The following SLC36A4 variants were observed in gnomAD, a reference collection of about 807,000 sequenced individuals.
SLC36A4 encodes the protein neutral amino acid uniporter 4.
A neutral mutation model predicts 50.5 loss-of-function variants in SLC36A4; 49 were observed. That is an observed-to-expected ratio of 0.97 (90% CI 0.77 to 1.23). SLC36A4 has a LOEUF of 1.23. Ranked by LOEUF, SLC36A4 falls within the 50% of genes most tolerant of loss-of-function variation. The pLI, the probability that SLC36A4 is intolerant of heterozygous loss-of-function variation, is 0.00. For synonymous variants in SLC36A4, 207 were observed against 206.5 expected (o/e 1.00, Z -0.02); for missense variants, 611 against 608.4 (o/e 1.00, Z -0.05).
intron 9 of SLC36A4, among the ~76,000 whole-genome samples, chr11:93,156,907 T>C (rs1184761959): frequency 6.6e-6 from 1 of 152,180 alleles, no homozygotes; most frequent in Non-Finnish European, 1.5e-5. Context: ...TTTTGGAGTC[T>C]TCATCATAAA....
chr11:93,196,105 T>C (rs752658430), intron 1 of SLC36A4, among the ~76,000 whole-genome samples: 3 of 152,216 alleles, frequency 2.0e-5, no homozygotes, highest in African/African-American at 4.8e-5. Context: ...GTTGAATTAA[T>C]GAAAATATAA....
chr11:93,173,026 C>T (rs1191487876), intron 6 of SLC36A4, among the ~76,000 whole-genome samples: 1 of 142,896 alleles, frequency 7.0e-6, no homozygotes, highest in Admixed American at 7.1e-5. Flanking sequence ...GCCACACTGA[C>T]TTCCACAATG....
intron 9 of SLC36A4, 89 bp from the exon 10 acceptor site, chr11:93,154,366 C>A (rs1446997795): frequency 3.3e-6 from 2 of 607,512 alleles, no homozygotes; most frequent in Non-Finnish European, 4.9e-6. Flanking sequence ...AATAAGAAAT[C>A]CAGAATACCA....
chr11:93,163,715 C>A (rs1205137325), intron 8 of SLC36A4, among the ~76,000 whole-genome samples: 1 of 152,088 alleles, frequency 6.6e-6, no homozygotes, highest in Non-Finnish European at 1.5e-5. Flanking sequence ...AGCTCCTTCT[C>A]TGGGGAGTAG....
intron 1 of SLC36A4, among the ~76,000 whole-genome samples, chr11:93,187,512 T>C (rs1487419792): frequency 6.6e-6 from 1 of 152,256 alleles, no homozygotes; most frequent in Non-Finnish European, 1.5e-5. Context: ...TCTCTGACCC[T>C]TCTGATGTCT....
chr11:93,197,441 A>G (rs2134722974), intron 1 of SLC36A4: 1 of 433,768 alleles, frequency 2.3e-6, no homozygotes, highest in African/African-American at 2.1e-5. Flanking sequence ...TCCTTAAAGC[A>G]TCATTGGGAA....
chr11:93,196,621 A>T (rs1004749586), intron 1 of SLC36A4, among the ~76,000 whole-genome samples: 10 of 152,188 alleles, frequency 6.6e-5, no homozygotes, highest in Non-Finnish European at 1.5e-4. Flanking sequence ...CGGCCGCCTC[A>T]GCCTCCCAAA....
chr11:93,171,915 G>A (rs1861157523), intron 6 of SLC36A4: 1 of 151,972 alleles, frequency 6.6e-6, no homozygotes, highest in Non-Finnish European at 1.5e-5. Context: ...ATATAAACAG[G>A]ACTCTAATTA....
chr11:93,194,546 A>G (rs1052369631), intron 1 of SLC36A4, among the ~76,000 whole-genome samples: 6 of 152,194 alleles, frequency 3.9e-5, no homozygotes, highest in African/African-American at 1.2e-4. Flanking sequence ...CATCTCTACC[A>G]GTGCTTTTTA....
chr11:93,176,112 C>T (rs1432109418), intron 6 of SLC36A4, among the ~76,000 whole-genome samples: 3 of 147,828 alleles, frequency 2.0e-5, no homozygotes, highest in Admixed American at 6.8e-5. Context: ...TCAGGACTTG[C>T]TTTATGAATC....
intron 9 of SLC36A4, chr11:93,159,685 A>G (rs912760914): frequency 5.7e-5 from 23 of 403,924 alleles, no homozygotes; most frequent in East Asian, 1.6e-4. Context: ...TTTAAAATAC[A>G]TTCTTTACTT....
At position 93,146,422 on chromosome 11, in the gene SLC36A4, AACT is replaced by A. The variant is rs1415561670; in HGVS notation, c.*2112_*2114del. ...TTTCAGTGAAGATTCGTTTTCCTATAACTTCTTCTGCATTCTCTTAGTATGACT... is the reference window on the plus strand; with the variant it reads ...TTTCAGTGAAGATTCGTTTTCCTATATCTTCTGCATTCTCTTAGTATGACT... On this transcript the variant is annotated 3_prime_UTR_variant, in exon 11 of 11. Coordinates refer to ENST00000326402, the MANE Select transcript of SLC36A4 (RefSeq NM_152313.4). 2 of 152,016 alleles carry A rather than the reference AACT, an allele frequency of 1.3e-5. No individual in the cohort carries two copies. Among genetic ancestry groups the A allele is most frequent in the Non-Finnish European group, 2.9e-5 (2 of 67,946 alleles). The allele number at this position is 152,016 out of a possible 1,614,324, so 9.4% of individuals were successfully genotyped here.
Position 93,145,976 on chromosome 11 carries a change from T to C in SLC36A4, c.*2561A>G, listed in dbSNP as rs1011803244. 10 of 152,102 alleles carry C rather than the reference T, an allele frequency of 6.6e-5. No individual in the cohort carries two copies. Among genetic ancestry groups the C allele is most frequent in the African/African-American group, 2.4e-4 (10 of 41,460 alleles). 9.4% of individuals were successfully genotyped at this position (152,102 alleles called of 1,614,324 possible). A position where few individuals can be genotyped will look rare whatever the true frequency, so the allele number is the denominator to read the frequency against. ...TTAAGCTTTCCATCTAAATAGTGTT[T>C]CTTGTTGAGAATTAAAACTTTCTTC... On this transcript the variant is annotated 3_prime_UTR_variant, in exon 11 of 11. Coordinates refer to ENST00000326402, the MANE Select transcript of SLC36A4 (RefSeq NM_152313.4).
intron 9 of SLC36A4, chr11:93,154,741 C>T (rs1374651193): frequency 6.6e-6 from 1 of 152,068 alleles, no homozygotes; most frequent in African/African-American, 2.4e-5. Flanking sequence ...TCATCAGTTG[C>T]AGAAATGTCA....
In SLC36A4 at chr11:93,146,095, A is replaced by G. The variant is rs1220970070; in HGVS notation, c.*2442T>C. ...ATTTAGTACTGGATGTTGATTCACC[A>G]TTCTTATTGCTAAAGGAAGCCTGAT... On this transcript the variant is annotated 3_prime_UTR_variant, in exon 11 of 11. Transcript: ENST00000326402. 6.6e-6 allele frequency: 1 copy of G among 152,032 alleles called. No individual in the cohort carries two copies. Among genetic ancestry groups the G allele is most frequent in the African/African-American group, 2.4e-5 (1 of 41,452 alleles). 9.4% of individuals were successfully genotyped at this position (152,032 alleles called of 1,614,324 possible). A position where few individuals can be genotyped will look rare whatever the true frequency, so the allele number is the denominator to read the frequency against.
chr11:93,145,194 A>C lies in SLC36A4; in HGVS notation c.*3343T>G, dbSNP rs531436712. 4 of 152,188 alleles carry C rather than the reference A, an allele frequency of 2.6e-5. No homozygotes were observed. The East Asian group carries it at 5.8e-4, about 22-fold the overall frequency. The allele number at this position is 152,188 out of a possible 1,614,324, so 9.4% of individuals were successfully genotyped here. On this transcript the variant is annotated 3_prime_UTR_variant, in exon 11 of 11. Transcript: ENST00000326402. ...ATTTTATAGTATTTTGCAGTTAAAGAGATTTTACATAACTACTATGAAACT... is the reference window on the plus strand; with the variant it reads ...ATTTTATAGTATTTTGCAGTTAAAGCGATTTTACATAACTACTATGAAACT...
intron 1 of SLC36A4, 37 bp from the exon 2 acceptor site, chr11:93,185,851 T>C (rs764301279): frequency 6.5e-7 from 1 of 1,529,456 alleles, no homozygotes. Context: ...CACTATTGCT[T>C]AAAAAAGTTG....
At position 93,159,530 on chromosome 11, in the gene SLC36A4, G is replaced by T. The variant is rs74671438; in HGVS notation, c.1037+3176C>A. ...TGATGCTCAGGCTGAGAATCTTGAG[G>T]ATTTAGCTCTGTCAAGAAGTCATCT... On this transcript the variant is annotated intron_variant, in intron 9 of 10. Coordinates refer to ENST00000326402, the MANE Select transcript of SLC36A4 (RefSeq NM_152313.4). 1.5e-4 allele frequency among the ~76,000 whole-genome samples: 23 copies of T among 152,222 alleles called. No individual in the cohort carries two copies. In the East Asian group the frequency reaches 4.4e-3, roughly 29 times the overall value.
At chr11:93,150,077 G>C (rs1239470775) in intron 10 of SLC36A4, among the ~76,000 whole-genome samples, 1 of 152,024 alleles carries the variant, frequency 6.6e-6, no homozygotes, top group Non-Finnish European at 1.5e-5. Context: ...TGCATCAACA[G>C]AAGATTTGCA....
Sources: gnomAD v4.1 joint callset for allele counts (sites outside exome capture counted in the v4.1 genomes callset) on GRCh38, gnomAD v4.1.1 for gene constraint, MANE v1.5 for transcripts, NCBI Gene and HGNC (gene_info 2026-07-23, HGNC 2026-07-21) for gene names.